Variants in TAOK2 observed in about 807,000 individuals in gnomAD.
TAOK2 encodes the protein serine/threonine-protein kinase TAO2.
Under a neutral mutation model 122.5 loss-of-function variants are expected in TAOK2, and 42 were observed. The ratio of observed to expected loss-of-function variants is 0.34; its 90% CI spans 0.27 to 0.44. TAOK2 has a LOEUF of 0.44. Ranked by LOEUF, TAOK2 falls within the 20% of genes least tolerant of loss-of-function variation. TAOK2 has a pLI of 1.00. For synonymous variants in TAOK2, 704 were observed against 677.6 expected, an observed-to-expected ratio of 1.04 and a Z score of -0.61; for missense variants, 1,264 against 1,644.9, an observed-to-expected ratio of 0.77 and a Z score of 4.01.
chr16:29,983,650 C>T lies in TAOK2; in HGVS notation c.1408C>T (p.Arg470Ter), dbSNP rs1411245776. The change falls in exon 13 of 16, where the codon CGA (arginine) becomes TGA (stop). Residue 470 changes from arginine to a stop codon, truncating the protein, a stop_gained. Coordinates refer to ENST00000308893, the MANE Select transcript of TAOK2 (RefSeq NM_016151.4). LOFTEE classifies it high-confidence loss of function. Reference protein sequence around the residue: ...CRNRDHFATIRTASLVSRQIQ... With the variant: ...CRNRDHFATI ...TAACCGAGACCACTTTGCCACCATC[C>T]GAACCGCCTCCCTGGTGAGTGTAGC... 1.2e-6 allele frequency: 2 copies of T among 1,611,708 alleles called. No individual in the cohort carries two copies. Among genetic ancestry groups the T allele is most frequent in the Non-Finnish European group, 1.7e-6 (2 of 1,179,440 alleles).
downstream of TAOK2, chr16:29,989,287 C>T: frequency 2.0e-6 from 2 of 985,332 alleles, no homozygotes; most frequent in Non-Finnish European, 2.4e-6. Context: ...GGGTATCGCA[C>T]CCAACTCCGT....
chr16:29,987,781 C>T lies in TAOK2; in HGVS notation c.3509C>T (p.Ser1170Phe). 1.2e-6 allele frequency: 2 copies of T among 1,613,908 alleles called. No homozygotes were observed. The highest frequency in any genetic ancestry group is 1.7e-6 in the Non-Finnish European group (2 of 1,179,904). Reference sequence around the variant, plus strand: ...GCACGGGCCAGCCAGGGTTTAGCATCCCACTTGCCCCCGTGGGCCATCCAC... The same window carrying T: ...GCACGGGCCAGCCAGGGTTTAGCATTCCACTTGCCCCCGTGGGCCATCCAC... Reference protein sequence around the residue: ...RLARASQGLASHLPPWAIHTL... With the variant: ...RLARASQGLAFHLPPWAIHTL... Residue 1170 changes from serine (S) to phenylalanine (F), a missense_variant, in exon 16 of 16, where the codon TCC becomes TTC. By Grantham distance (155) the Ser-to-Phe change is radical. Around this residue, in one of 4 missense-constraint regions of TAOK2, gnomAD observed 824 missense variants for 908.7 expected, o/e 0.91. Transcript: ENST00000308893.
downstream of TAOK2, chr16:29,989,039 C>G (rs1052303598): frequency 1.0e-6 from 1 of 985,168 alleles, no homozygotes; most frequent in Non-Finnish European, 1.2e-6. Flanking sequence ...CGGTGCTTCT[C>G]CTCCTTCCCT....
chr16:29,991,375 C>T (rs747236935), downstream of TAOK2: 7 of 1,586,502 alleles, frequency 4.4e-6, no homozygotes, highest in South Asian at 3.4e-5. The surrounding 1 kb of genome is among the most constrained non-coding windows in gnomAD (Gnocchi z 5.6). Flanking sequence ...GGGCCCCCCA[C>T]ACAAAGTGGG....
At chr16:29,976,154 G>T (rs2069447181) in intron 1 of TAOK2, among the ~76,000 whole-genome samples, 1 of 152,106 alleles carries the variant, frequency 6.6e-6, no homozygotes, top group Non-Finnish European at 1.5e-5. Context: ...GCATTCTGGG[G>T]CCTTGTGTTG....
chr16:29,988,484 A>T (rs1319738934), downstream of TAOK2: 1 of 1,210,606 alleles, frequency 8.3e-7, no homozygotes, highest in Non-Finnish European at 1.0e-6. Context: ...GCCCGGCTCC[A>T]TGACCTCTTC....
rs770293795 is a variant in TAOK2, at chr16:29,987,929, C to A, written c.3657C>A (p.Ala1219=). The A allele has an allele frequency of 6.5e-7, 1 of 1,546,952 alleles. No individual in the cohort carries two copies. The highest frequency in any genetic ancestry group is 8.7e-7 in the Non-Finnish European group (1 of 1,151,930). ...GCCAGCCACTGCCAGGGACTCTAGCCGGGCGGAGGTCACGCACCCGCCAGT... is the reference window on the plus strand; with the variant it reads ...GCCAGCCACTGCCAGGGACTCTAGCAGGGCGGAGGTCACGCACCCGCCAGT... ...ASRQPLPGTL[A]GRRSRTRQSR... The change falls in exon 16 of 16, where the codon GCC becomes GCA. Residue 1219 remains alanine (A), a synonymous_variant. Transcript: ENST00000308893.
rs142369950 is a variant in TAOK2 at position 29,985,367 on chromosome 16, G to A, written c.1577G>A (p.Arg526Gln). 2.5e-6 allele frequency: 4 copies of A among 1,610,808 alleles called. No homozygotes were observed. Among genetic ancestry groups the A allele is most frequent in the African/African-American group, 1.3e-5 (1 of 74,890 alleles). ...GAGGAGCACAGTGCACGGCTGCAGC[G>A]GGAGCTTGAGGCGCAGCGGGCTGGC... The part of the protein sequence containing the change: ...EREEHSARLQ[R>Q]ELEAQRAGFG... The change falls in exon 14 of 16, where the codon CGG becomes CAG. Residue 526 changes from arginine (R) to glutamine (Q), a missense_variant. Coordinates refer to ENST00000308893, the MANE Select transcript of TAOK2 (RefSeq NM_016151.4). The surrounding 1 kb of genome is among the most constrained non-coding windows in gnomAD (Gnocchi z 6.9).
chr16:29,974,571 C>T lies in TAOK2; in HGVS notation c.-113C>T, dbSNP rs1017099614. On this transcript the variant is annotated 5_prime_UTR_variant, in exon 1 of 16. Coordinates refer to ENST00000308893, the MANE Select transcript of TAOK2 (RefSeq NM_016151.4). Reference sequence around the variant, plus strand: ...GGCAAGGGGAAAGGTCTCCTTGCCCCTCTCCCTGCTTGGCAGAGCCGCTGG... The same window carrying T: ...GGCAAGGGGAAAGGTCTCCTTGCCCTTCTCCCTGCTTGGCAGAGCCGCTGG... 4 of 152,626 alleles carry T rather than the reference C, an allele frequency of 2.6e-5. No individual in the cohort carries two copies. Among genetic ancestry groups the T allele is most frequent in the African/African-American group, 4.8e-5 (2 of 41,458 alleles). The allele number at this position is 152,626 out of a possible 1,614,324, so 9.5% of individuals were successfully genotyped here. A position where few individuals can be genotyped will look rare whatever the true frequency, so the allele number is the denominator to read the frequency against.
At chr16:29,975,462 T>C (rs2069425691) in intron 1 of TAOK2, among the ~76,000 whole-genome samples, 1 of 152,196 alleles carries the variant, frequency 6.6e-6, no homozygotes, top group Non-Finnish European at 1.5e-5. Flanking sequence ...CCTCTGAGTT[T>C]GGGCTCGGCC....
At chr16:29,981,477 A>T in intron 8 of TAOK2, 184 bp from the exon 9 acceptor site, 2 of 671,230 alleles carry the variant, frequency 3.0e-6, no homozygotes, top group Non-Finnish European at 5.5e-6. Flanking sequence ...AGTGGAGAGG[A>T]TGGGTGTTGT....
At chr16:29,989,385 A>ATGTC (rs763551363), downstream of TAOK2, 4 of 978,958 alleles carry the variant, frequency 4.1e-6, no homozygotes, top group South Asian at 9.5e-5. Flanking sequence ...CCACCTCTCC[A>ATGTC]TGTCTGTCTG....
At chr16:29,980,604 C>G (rs1167950361) in intron 8 of TAOK2, 1 of 152,128 alleles carries the variant, frequency 6.6e-6, no homozygotes, top group African/African-American at 2.4e-5. Flanking sequence ...GTCCTCTGCC[C>G]GAGGTCAGAG....
At chr16:29,976,867 G>T (rs920049844) in intron 1 of TAOK2, among the ~76,000 whole-genome samples, 2 of 152,176 alleles carry the variant, frequency 1.3e-5, no homozygotes, top group African/African-American at 4.8e-5. Context: ...TGCCTGTTTC[G>T]AAGGGCTGCT....
At position 29,983,494 on chromosome 16, in the gene TAOK2, T is replaced by C; in HGVS notation, c.1261-9T>C. 6.3e-7 allele frequency: 1 copy of C among 1,599,456 alleles called. No individual in the cohort carries two copies. The highest frequency in any genetic ancestry group is 8.6e-7 in the Non-Finnish European group (1 of 1,169,580). On this transcript the variant is annotated splice_polypyrimidine_tract_variant and intron_variant, in intron 12 of 15. Coordinates refer to ENST00000308893, the MANE Select transcript of TAOK2 (RefSeq NM_016151.4). The stretch of plus-strand genomic sequence containing the variant: ...CTGAGCCTTGGGTGTTCCTTCTATC[T>C]CCCTCTAGGGCTCTGACAACCTATA...
chr16:29,988,377 A>G lies in TAOK2; in HGVS notation c.*397A>G. The stretch of plus-strand genomic sequence containing the variant: ...AAAAAAGAAAAAGACAAACACAAAT[A>G]AAATATCTGAGCGGAACTGTGCCTT... On this transcript the variant is annotated 3_prime_UTR_variant, in exon 16 of 16. Transcript: ENST00000308893. The G allele has an allele frequency of 7.6e-7, 1 of 1,324,002 alleles. No individual in the cohort carries two copies. Among genetic ancestry groups the G allele is most frequent in the Non-Finnish European group, 9.9e-7 (1 of 1,012,262 alleles). 82.0% of individuals were successfully genotyped at this position (1,324,002 alleles called of 1,614,324 possible). A position where few individuals can be genotyped will look rare whatever the true frequency, so the allele number is the denominator to read the frequency against.
chr16:29,985,857 G>C lies in TAOK2; in HGVS notation c.1988G>C (p.Arg663Pro). The C allele has an allele frequency of 6.2e-7, 1 of 1,611,282 alleles. No homozygotes were observed. The highest frequency in any genetic ancestry group is 8.5e-7 in the Non-Finnish European group (1 of 1,179,542). ...ARHSLDQDLL[R>P]EDLNKKQTQK... Reference sequence around the variant, plus strand: ...CACAGCCTGGACCAGGACCTGCTGCGGGAGGTAGGCATCCCAATCTCTGTT... The same window carrying C: ...CACAGCCTGGACCAGGACCTGCTGCCGGAGGTAGGCATCCCAATCTCTGTT... The change falls in exon 15 of 16, where the codon CGG becomes CCG. Residue 663 changes from arginine (R) to proline (P), a missense_variant. Arg to Pro is a moderately radical substitution (Grantham distance 103). Transcript: ENST00000308893. The surrounding 1 kb of genome is among the most constrained non-coding windows in gnomAD (Gnocchi z 6.9).
chr16:29,979,165 T>C lies in TAOK2; in HGVS notation c.450-30T>C, dbSNP rs562749630. 5.2e-5 allele frequency: 84 copies of C among 1,613,156 alleles called. No individual in the cohort carries two copies. The highest frequency in any genetic ancestry group is 6.7e-5 in the Non-Finnish European group (79 of 1,179,400). On this transcript the variant is annotated intron_variant, in intron 6 of 15. Transcript: ENST00000308893. The surrounding 1 kb of genome is among the most constrained non-coding windows in gnomAD (Gnocchi z 4.1). ...CCCTGCCTAGCTTTCTTGAGACACA[T>C]GTCTCATCCCTGTACTTTGCCTCTG... is the stretch of plus-strand genomic sequence containing the variant.
At position 29,986,148 on chromosome 16, in the gene TAOK2, C is replaced by T. The variant is rs557838320; in HGVS notation, c.1993-117C>T. ...TGGCCCCTCACTTCCTTGATACTGA[C>T]CAGGCCCTGGGCCCTGTGTTTCTTC... is the stretch of plus-strand genomic sequence containing the variant. On this transcript the variant is annotated intron_variant, in intron 15 of 15. Transcript: ENST00000308893. The surrounding 1 kb of genome is among the most constrained non-coding windows in gnomAD (Gnocchi z 4.2). The T allele has an allele frequency of 7.7e-5, 111 of 1,434,922 alleles. No individual in the cohort carries two copies. The African/African-American group carries it at 1.3e-3, about 16-fold the overall frequency. 88.9% of individuals were successfully genotyped at this position (1,434,922 alleles called of 1,614,324 possible). A position where few individuals can be genotyped will look rare whatever the true frequency, so the allele number is the denominator to read the frequency against.
Sources: gnomAD v4.1 joint callset for allele counts (sites outside exome capture counted in the v4.1 genomes callset) on GRCh38, gnomAD v4.1.1 for gene constraint, gnomAD v4.1.1 regional missense constraint, Gnocchi (gnomAD v3.1) non-coding constraint, MANE v1.5 for transcripts, NCBI Gene and HGNC (gene_info 2026-07-23, HGNC 2026-07-21) for gene names.